The following SLC1A2 variants were observed in gnomAD, a reference collection of about 807,000 sequenced individuals.
The protein encoded by SLC1A2 is solute carrier family 1 member 2, also known as excitatory amino acid transporter 2.
In SLC1A2, 15 loss-of-function variants were observed where a neutral mutation model predicts 48.8. The observed-to-expected ratio is 0.31, with a 90% CI of 0.21 to 0.47. The LOEUF (loss-of-function observed/expected upper bound fraction) is 0.47. Ranked by LOEUF, SLC1A2 falls within the 20% of genes least tolerant of loss-of-function variation. The pLI, the probability that SLC1A2 is intolerant of heterozygous loss-of-function variation, is 0.99. For synonymous variants in SLC1A2, 279 were observed against 272.6 expected (o/e 1.02, Z -0.23); for missense variants, 502 against 730.5 (o/e 0.69, Z 3.61).
intron 1 of SLC1A2, among the ~76,000 whole-genome samples, chr11:35,407,613 T>A (rs1441007889): frequency 1.3e-5 from 2 of 152,256 alleles, no homozygotes; most frequent in Admixed American, 6.5e-5. Flanking sequence ...TGGCAACAGC[T>A]GCCATCACTT....
intron 5 of SLC1A2, among the ~76,000 whole-genome samples, chr11:35,305,659 G>A (rs1300791887): frequency 6.6e-6 from 1 of 152,206 alleles, no homozygotes; most frequent in Non-Finnish European, 1.5e-5. Flanking sequence ...TGCAGACTAA[G>A]GGCTGTGGTG....
intron 8 of SLC1A2, 109 bp from the exon 9 acceptor site, chr11:35,281,110 AC>A: frequency 7.1e-7 from 1 of 1,401,534 alleles, no homozygotes; most frequent in East Asian, 2.7e-5. Context: ...TCATCCCCCA[AC>A]CCCCACCCCA....
rs561256951 is a variant in SLC1A2, at chr11:35,300,443, G to A, written c.857+1076C>T. Reference sequence around the variant, plus strand: ...TCTGGGAGATGATTAGGTGATGAGGGCTGTGCCCTCTTCAATGGAATTAGT... The same window carrying A: ...TCTGGGAGATGATTAGGTGATGAGGACTGTGCCCTCTTCAATGGAATTAGT... On this transcript the variant is annotated intron_variant, in intron 6 of 10. Coordinates refer to ENST00000278379, the MANE Select transcript of SLC1A2 (RefSeq NM_004171.4). Among the ~76,000 whole-genome samples, 6 of 152,338 alleles carry A rather than the reference G, an allele frequency of 3.9e-5. No individual in the cohort carries two copies. In the South Asian group the frequency reaches 1.2e-3, roughly 32 times the overall value.
At chr11:35,374,367 G>A (rs1472453126) in intron 1 of SLC1A2, 1 of 780,282 alleles carries the variant, frequency 1.3e-6, no homozygotes, top group Non-Finnish European at 2.1e-6. Context: ...TGTGTTGTTG[G>A]AGAATTACAG....
In SLC1A2 at chr11:35,280,887, C is replaced by T; in HGVS notation, c.1401G>A (p.Leu467=). The T allele has an allele frequency of 1.2e-6, 2 of 1,611,554 alleles. No individual in the cohort carries two copies. The highest frequency in any genetic ancestry group is 1.7e-6 in the Non-Finnish European group (2 of 1,178,802). The part of the protein sequence containing the change: ...VGLPTEDISL[L]VAVDWLLDRM... The stretch of plus-strand genomic sequence containing the variant: ...CTTACAGCAGCCAGTCCACAGCCAC[C>T]AGCAGGCTGATGTCCTCTGTTGGCA... Residue 467 remains leucine (L), a synonymous_variant, in exon 9 of 11, where the codon CTG becomes CTA. Coordinates refer to ENST00000278379, the MANE Select transcript of SLC1A2 (RefSeq NM_004171.4).
At chr11:35,398,723 A>C (rs1855048932) in intron 1 of SLC1A2, among the ~76,000 whole-genome samples, 1 of 152,210 alleles carries the variant, frequency 6.6e-6, no homozygotes, top group African/African-American at 2.4e-5. Context: ...ACACAGCCCA[A>C]ACTTGAAGCA....
At chr11:35,299,422 C>A (rs1851283126) in intron 6 of SLC1A2, 1 of 151,470 alleles carries the variant, frequency 6.6e-6, no homozygotes. Flanking sequence ...ACCATATTCC[C>A]AAATCTTCAT....
rs561965029 is a variant in SLC1A2 at position 35,329,270 on chromosome 11, A to C, written c.18-11754T>G. ...TTTTAAGGCAATGAAAATACTTTGT[A>C]TGTTACTATAATGGTAAATACACAT... On this transcript the variant is annotated intron_variant, in intron 1 of 10. Coordinates refer to ENST00000278379, the MANE Select transcript of SLC1A2 (RefSeq NM_004171.4). 2.6e-5 allele frequency among the ~76,000 whole-genome samples: 4 copies of C among 152,362 alleles called. No individual in the cohort carries two copies. In the South Asian group the frequency reaches 8.3e-4, roughly 32 times the overall value.
At chr11:35,265,502 C>T (rs1215032972) in intron 10 of SLC1A2, 25 bp downstream of exon 10, 10 of 1,233,070 alleles carry the variant, frequency 8.1e-6, no homozygotes, top group Admixed American at 1.7e-5. Context: ...ATACAAGTCT[C>T]GATATCCATG....
intron 1 of SLC1A2, among the ~76,000 whole-genome samples, chr11:35,336,469 T>C (rs115316002): frequency 0.025 from 3,881 of 152,294 alleles, 153 homozygotes; most frequent in African/African-American, 0.088. Context: ...AATAACAGTA[T>C]TGATTATACT....
In SLC1A2 at chr11:35,260,862, G is replaced by T. The variant is rs769973306; in HGVS notation, c.*32C>A. Reference sequence around the variant, plus strand: ...CAGTTACCATAGGATACGCTGGGGAGTTTATTCAAGAATTTGCTGAGACTC... The same window carrying T: ...CAGTTACCATAGGATACGCTGGGGATTTTATTCAAGAATTTGCTGAGACTC... On this transcript the variant is annotated 3_prime_UTR_variant, in exon 11 of 11. Coordinates refer to ENST00000278379, the MANE Select transcript of SLC1A2 (RefSeq NM_004171.4). 25 of 1,477,724 alleles carry T rather than the reference G, an allele frequency of 1.7e-5. No individual in the cohort carries two copies. In the Admixed American group the frequency reaches 2.8e-4, roughly 17 times the overall value. The allele number at this position is 1,477,724 out of a possible 1,614,324, so 91.5% of individuals were successfully genotyped here. A position where few individuals can be genotyped will look rare whatever the true frequency, so the allele number is the denominator to read the frequency against.
At chr11:35,379,142 T>C (rs578258250) in intron 1 of SLC1A2, among the ~76,000 whole-genome samples, 1 of 152,098 alleles carries the variant, frequency 6.6e-6, no homozygotes, top group South Asian at 2.1e-4. Flanking sequence ...GGCAGGAGTA[T>C]CGCTTGAAGC....
At chr11:35,305,579 C>T (rs1851476410) in intron 5 of SLC1A2, among the ~76,000 whole-genome samples, 1 of 152,130 alleles carries the variant, frequency 6.6e-6, no homozygotes, top group Non-Finnish European at 1.5e-5. Flanking sequence ...AACAAGATAA[C>T]AAGATAATCT....
At chr11:35,412,427 G>A (rs891682805) in intron 1 of SLC1A2, among the ~76,000 whole-genome samples, 1 of 152,220 alleles carries the variant, frequency 6.6e-6, no homozygotes, top group African/African-American at 2.4e-5. Flanking sequence ...AAATGCCATG[G>A]GAATTGGGAT....
rs555135534 is a variant in SLC1A2, at chr11:35,305,799, A to T, written c.730+275T>A. 2.0e-5 allele frequency among the ~76,000 whole-genome samples: 3 copies of T among 152,296 alleles called. No individual in the cohort carries two copies. In the East Asian group the frequency reaches 5.8e-4, roughly 29 times the overall value. Reference sequence around the variant, plus strand: ...AGAGAAAGTGACTTTCTAACACCACACAGAGAGTCAGGGAATGTGCCCAAT... The same window carrying T: ...AGAGAAAGTGACTTTCTAACACCACTCAGAGAGTCAGGGAATGTGCCCAAT... On this transcript the variant is annotated intron_variant, in intron 5 of 10. Transcript: ENST00000278379.
intron 1 of SLC1A2, among the ~76,000 whole-genome samples, chr11:35,382,234 T>C (rs970870435): frequency 1.4e-4 from 22 of 152,232 alleles, no homozygotes; most frequent in African/African-American, 5.3e-4. Context: ...TTACTTACCA[T>C]TTGTTTCATA....
At chr11:35,399,018 G>A (rs550742590) in intron 1 of SLC1A2, among the ~76,000 whole-genome samples, 14 of 152,312 alleles carry the variant, frequency 9.2e-5, no homozygotes, top group Admixed American at 6.5e-5. Flanking sequence ...AGCTGCCTAT[G>A]GCTGGGTCAT....
intron 8 of SLC1A2, among the ~76,000 whole-genome samples, chr11:35,284,016 C>CCCATTATGCAG (rs1554993850): frequency 6.8e-6 from 1 of 146,898 alleles, no homozygotes; most frequent in Non-Finnish European, 1.5e-5. Flanking sequence ...TGTTATTGTT[C>CCCATTATGCAG]CCATTACGCA....
chr11:35,311,190 G>C (rs997677973), intron 4 of SLC1A2, among the ~76,000 whole-genome samples: 2 of 151,966 alleles, frequency 1.3e-5, no homozygotes, highest in Non-Finnish European at 2.9e-5. Flanking sequence ...TTTTGAGACA[G>C]TATGTCACTC....
Sources: allele counts gnomAD v4.1 joint callset (sites outside exome capture counted in the v4.1 genomes callset), GRCh38; gene constraint gnomAD v4.1.1; transcripts MANE v1.5; gene names NCBI Gene and HGNC (gene_info 2026-07-23, HGNC 2026-07-21).